Variants in KLHL12 observed in about 807,000 individuals in gnomAD.
KLHL12 encodes kelch like family member 12.
A neutral mutation model predicts 60.8 loss-of-function variants in KLHL12; 17 were observed. The observed-to-expected ratio is 0.28, with a 90% CI of 0.19 to 0.42. The LOEUF (loss-of-function observed/expected upper bound fraction) is 0.42. Among genes scored for constraint, KLHL12 ranks in the 10% least tolerant of loss-of-function variants. KLHL12 has a pLI of 1.00. For missense variants in KLHL12, 468 were observed against 722.3 expected (o/e 0.65, Z 4.04); for synonymous variants, 220 against 250.9 (o/e 0.88, Z 1.16).
At position 202,912,603 on chromosome 1, in the gene KLHL12, G is replaced by A. The variant is rs923927575; in HGVS notation, c.568-1400C>T. The A allele has an allele frequency of 1.4e-5, 19 of 1,323,634 alleles. No individual in the cohort carries two copies. In the Admixed American group the frequency reaches 2.0e-4, roughly 14 times the overall value. The allele number at this position is 1,323,634 out of a possible 1,614,324, so 82.0% of individuals were successfully genotyped here. A position where few individuals can be genotyped will look rare whatever the true frequency, so the allele number is the denominator to read the frequency against. ...TCAAATTTTGGACCCATGAAGGGAG[G>A]AAACTTTGGAGGCAGAAGCTCTGGG... is the stretch of plus-strand genomic sequence containing the variant. On this transcript the variant is annotated intron_variant, in intron 4 of 11. Transcript: ENST00000367261.
chr1:202,897,640 G>A (rs1659881655), intron 6 of KLHL12, among the ~76,000 whole-genome samples: 1 of 152,074 alleles, frequency 6.6e-6, no homozygotes, highest in Non-Finnish European at 1.5e-5. Flanking sequence ...CAAATTGGGA[G>A]GTTTTTTGTT....
At chr1:202,902,074 C>T in intron 6 of KLHL12, among the ~76,000 whole-genome samples, 1 of 152,082 alleles carries the variant, frequency 6.6e-6, no homozygotes, top group Non-Finnish European at 1.5e-5. Flanking sequence ...CATAGTTCCA[C>T]AATACAAAGA....
chr1:202,908,812 T>C (rs759799894), intron 6 of KLHL12, among the ~76,000 whole-genome samples, 198 bp downstream of exon 6: 1 of 152,216 alleles, frequency 6.6e-6, no homozygotes, highest in East Asian at 1.9e-4. Flanking sequence ...CAAATAATTA[T>C]GTGAAGTAGA....
intron 6 of KLHL12, among the ~76,000 whole-genome samples, chr1:202,906,578 G>T (rs952411641): frequency 3.3e-5 from 5 of 151,456 alleles, no homozygotes; most frequent in Non-Finnish European, 5.9e-5. Flanking sequence ...GAGATTGATT[G>T]TATAACAATG....
intron 6 of KLHL12, among the ~76,000 whole-genome samples, chr1:202,903,159 CAAAAAA>C (rs67432749): frequency 2.1e-4 from 11 of 52,018 alleles, no homozygotes; most frequent in African/African-American, 6.4e-4. Context: ...GACCTTGTCT[CAAAAAA>C]AAAAAAAAAA....
At chr1:202,911,778 A>C in intron 4 of KLHL12, 1 of 680,164 alleles carries the variant, frequency 1.5e-6, no homozygotes, top group Non-Finnish European at 2.6e-6. Flanking sequence ...GCCGCCGAAG[A>C]AGCATCTTTA....
intron 6 of KLHL12, among the ~76,000 whole-genome samples, chr1:202,899,479 A>G (rs1032301516): frequency 4.6e-5 from 7 of 152,158 alleles, no homozygotes; most frequent in African/African-American, 1.7e-4. Flanking sequence ...TGCCAAATAA[A>G]GTGGACCCTC....
In KLHL12 at chr1:202,895,432, T is replaced by G; in HGVS notation, c.1135+90A>C. The stretch of plus-strand genomic sequence containing the variant: ...ATTTGACCTTAATTTTTTCTCCGTA[T>G]TTCATGCTCCTGCCAGACAACAGGA... On this transcript the variant is annotated intron_variant, in intron 8 of 11. Coordinates refer to ENST00000367261, the MANE Select transcript of KLHL12 (RefSeq NM_021633.4). This position sits in a 1 kb window ranked among gnomAD's most constrained non-coding sequence, Gnocchi z 4.2. 1 of 1,138,454 alleles carries G rather than the reference T, an allele frequency of 8.8e-7. No individual in the cohort carries two copies. The highest frequency in any genetic ancestry group is 2.4e-5 in the East Asian group (1 of 42,298). 70.5% of individuals were successfully genotyped at this position (1,138,454 alleles called of 1,614,324 possible).
intron 4 of KLHL12, among the ~76,000 whole-genome samples, chr1:202,911,420 A>G (rs150484500): frequency 5.6e-5 from 2 of 35,718 alleles, no homozygotes; most frequent in South Asian, 7.1e-4. Context: ...TAAAAAAAAA[A>G]TATATATATA....
chr1:202,912,985 C>G (rs1346526843), intron 4 of KLHL12, among the ~76,000 whole-genome samples: 1 of 149,946 alleles, frequency 6.7e-6, no homozygotes, highest in Admixed American at 6.7e-5. Flanking sequence ...GGTTTTAATG[C>G]AGATTTTTTT....
chr1:202,897,059 G>A (rs1557986229), intron 6 of KLHL12, 99 bp from the exon 7 acceptor site: 1 of 897,714 alleles, frequency 1.1e-6, no homozygotes, highest in Non-Finnish European at 1.9e-6. Context: ...AGGATGTCTT[G>A]TTTTATGTGG....
In KLHL12 at chr1:202,903,629, C is replaced by CTTTTTTTTCTTTTTT. The variant is rs1553236588; in HGVS notation, c.832+5380_832+5381insAAAAAAGAAAAAAAA. Among the ~76,000 whole-genome samples the CTTTTTTTTCTTTTTT allele has an allele frequency of 9.2e-5, 7 of 76,092 alleles. 1 individual carries two copies. 49.9% of individuals were successfully genotyped at this position (76,092 alleles called of 152,430 possible). ...CTGGGACCACTAATTTTTTTCTTTT[C>CTTTTTTTTCTTTTTT]TTTTTTTTTTTGAAACGGCGTCTTG... On this transcript the variant is annotated intron_variant, in intron 6 of 11. Coordinates refer to ENST00000367261, the MANE Select transcript of KLHL12 (RefSeq NM_021633.4).
intron 4 of KLHL12, among the ~76,000 whole-genome samples, chr1:202,913,829 G>A (rs1013287389): frequency 1.3e-5 from 2 of 152,156 alleles, no homozygotes; most frequent in African/African-American, 4.8e-5. Context: ...CTACCCATGC[G>A]TGGCTATTTA....
chr1:202,893,181 T>C lies in KLHL12; in HGVS notation c.1580+58A>G. The C allele has an allele frequency of 7.3e-7, 1 of 1,378,252 alleles. No homozygotes were observed. The highest frequency in any genetic ancestry group is 9.9e-7 in the Non-Finnish European group (1 of 1,012,214). 85.4% of individuals were successfully genotyped at this position (1,378,252 alleles called of 1,614,324 possible). ...TCTCTGTCCAAAAATGAGGATCAGATCACATAGACTCTTGCTCTGGCTACA... is the reference window on the plus strand; with the variant it reads ...TCTCTGTCCAAAAATGAGGATCAGACCACATAGACTCTTGCTCTGGCTACA... On this transcript the variant is annotated intron_variant, in intron 11 of 11. Coordinates refer to ENST00000367261, the MANE Select transcript of KLHL12 (RefSeq NM_021633.4). The surrounding 1 kb of genome is among the most constrained non-coding windows in gnomAD (Gnocchi z 4.1).
At chr1:202,924,492 C>T (rs113156256) in intron 2 of KLHL12, among the ~76,000 whole-genome samples, 4 of 152,256 alleles carry the variant, frequency 2.6e-5, no homozygotes, top group African/African-American at 9.6e-5. Context: ...GTGGCTCACA[C>T]CTGTAATGCC....
upstream of KLHL12, among the ~76,000 whole-genome samples, chr1:202,927,629 A>G (rs1026428317): frequency 1.5e-5 from 2 of 137,690 alleles, no homozygotes; most frequent in Non-Finnish European, 3.1e-5. Context: ...GCAGTGAGCC[A>G]GGATCGCCAC....
chr1:202,910,988 T>C (rs1660333970), intron 5 of KLHL12, 66 bp downstream of exon 5: 1 of 1,559,902 alleles, frequency 6.4e-7, no homozygotes, highest in South Asian at 1.1e-5. Context: ...TACTCAATTT[T>C]GAATACATAA....
Position 202,892,332 on chromosome 1 carries a change from A to C in KLHL12, c.*201T>G. The C allele has an allele frequency of 2.0e-6, 1 of 494,810 alleles. No homozygotes were observed. Among genetic ancestry groups the C allele is most frequent in the Non-Finnish European group, 3.5e-6 (1 of 284,672 alleles). 30.7% of individuals were successfully genotyped at this position (494,810 alleles called of 1,614,324 possible). ...TTCAATGTGCATTCTTTTTCCTGGAATATCTGTTACCCACCCTTCTCAGGA... is the reference window on the plus strand; with the variant it reads ...TTCAATGTGCATTCTTTTTCCTGGACTATCTGTTACCCACCCTTCTCAGGA... On this transcript the variant is annotated 3_prime_UTR_variant, in exon 12 of 12. Transcript: ENST00000367261.
Position 202,902,300 on chromosome 1 carries a change from C to T in KLHL12, c.833-5340G>A, listed in dbSNP as rs150540118. Reference sequence around the variant, plus strand: ...CAAAAATCAGCCAGACATGGTAGCACATGCCTGTAATCTCAGCTACTCGGG... The same window carrying T: ...CAAAAATCAGCCAGACATGGTAGCATATGCCTGTAATCTCAGCTACTCGGG... On this transcript the variant is annotated intron_variant, in intron 6 of 11. Transcript: ENST00000367261. Among the ~76,000 whole-genome samples the T allele has an allele frequency of 2.9e-3, 448 of 152,082 alleles. 3 individuals carry two copies. The highest frequency in any genetic ancestry group is 9.7e-3 in the African/African-American group (401 of 41,498).
Sources: gnomAD v4.1 joint callset for allele counts (sites outside exome capture counted in the v4.1 genomes callset) on GRCh38, gnomAD v4.1.1 for gene constraint, Gnocchi (gnomAD v3.1) non-coding constraint, MANE v1.5 for transcripts, NCBI Gene and HGNC (gene_info 2026-07-23, HGNC 2026-07-21) for gene names.